Variants in CSRNP3 observed in about 807,000 individuals in gnomAD.
CSRNP3 encodes the protein cysteine and serine rich nuclear protein 3.
Under a neutral mutation model 48.0 loss-of-function variants are expected in CSRNP3, and 12 were observed. That is an observed-to-expected ratio of 0.25 (90% CI 0.16 to 0.41). The LOEUF (loss-of-function observed/expected upper bound fraction) is 0.41. Among genes scored for constraint, CSRNP3 ranks in the 10% least tolerant of loss-of-function variants. The pLI is 1.00. For missense variants in CSRNP3, 580 were observed against 724.4 expected, an observed-to-expected ratio of 0.80 and a Z score of 2.29; for synonymous variants, 263 against 269.7, an observed-to-expected ratio of 0.98 and a Z score of 0.24.
At chr2:165,597,812 C>A (rs561191090) in intron 4 of CSRNP3, among the ~76,000 whole-genome samples, 2 of 152,056 alleles carry the variant, frequency 1.3e-5, no homozygotes, top group South Asian at 4.1e-4. Context: ...AAGCATTTAA[C>A]AACAATAGTA....
In CSRNP3 at chr2:165,605,316, G is replaced by T. The variant is rs570946735; in HGVS notation, c.148+10103G>T. On this transcript the variant is annotated intron_variant, in intron 4 of 6. Coordinates refer to ENST00000651982, the MANE Select transcript of CSRNP3 (RefSeq NM_001172173.2). ...ACAAATTTCCTTACCCTAAAATTCTGCTTGGAACAATGTTCCCATGACTGA... is the reference window on the plus strand; with the variant it reads ...ACAAATTTCCTTACCCTAAAATTCTTCTTGGAACAATGTTCCCATGACTGA... Among the ~76,000 whole-genome samples the T allele has an allele frequency of 1.3e-4, 19 of 151,994 alleles. No homozygotes were observed. The South Asian group carries it at 2.1e-3, about 17-fold the overall frequency.
chr2:165,666,658 AAGAG>A (rs1165463194), intron 5 of CSRNP3, among the ~76,000 whole-genome samples: 1 of 89,406 alleles, frequency 1.1e-5, no homozygotes, highest in Non-Finnish European at 2.3e-5. Flanking sequence ...AGAGGAAGAA[AAGAG>A]AGAGGAAGGA....
intron 3 of CSRNP3, among the ~76,000 whole-genome samples, chr2:165,588,997 A>G (rs1685674496): frequency 6.6e-6 from 1 of 152,158 alleles, no homozygotes; most frequent in African/African-American, 2.4e-5. Flanking sequence ...AATAAAGCCA[A>G]TTTGTAATGT....
chr2:165,501,817 T>TC (rs1429504991), intron 2 of CSRNP3, among the ~76,000 whole-genome samples: 2 of 152,096 alleles, frequency 1.3e-5, no homozygotes, highest in Non-Finnish European at 2.9e-5. Flanking sequence ...CTTCAACAGG[T>TC]CCAGATTTAT....
At chr2:165,479,812 G>A (rs1684015630) in intron 1 of CSRNP3, among the ~76,000 whole-genome samples, 1 of 151,840 alleles carries the variant, frequency 6.6e-6, no homozygotes, top group African/African-American at 2.4e-5. Context: ...TTGAACCCAT[G>A]GGGCTGAGGC....
Position 165,649,783 on chromosome 2 carries a change from A to G in CSRNP3, c.149-7978A>G, listed in dbSNP as rs116470715. ...AATAGTAAAAAAGGAAAAAAATAAG[A>G]CCCCTGACTTGTTGTCCTTTAGGTA... is the stretch of plus-strand genomic sequence containing the variant. On this transcript the variant is annotated intron_variant, in intron 4 of 6. Coordinates refer to ENST00000651982, the MANE Select transcript of CSRNP3 (RefSeq NM_001172173.2). Among the ~76,000 whole-genome samples, 1,031 of 152,148 alleles carry G rather than the reference A, an allele frequency of 6.8e-3. 19 individuals carry two copies. Among genetic ancestry groups the G allele is most frequent in the African/African-American group, 0.024 (980 of 41,494 alleles).
intron 3 of CSRNP3, among the ~76,000 whole-genome samples, chr2:165,560,783 T>C (rs1042617880): frequency 6.6e-6 from 1 of 152,218 alleles, no homozygotes; most frequent in Non-Finnish European, 1.5e-5. Flanking sequence ...CTCGATCAGA[T>C]GTGAAATGCA....
intron 3 of CSRNP3, among the ~76,000 whole-genome samples, chr2:165,537,816 C>T (rs1684900628): frequency 6.6e-6 from 1 of 151,732 alleles, no homozygotes; most frequent in South Asian, 2.1e-4. Flanking sequence ...CTTTTCCTTA[C>T]CTTAATTAAA....
At chr2:165,515,507 A>AT (rs1374231975) in intron 2 of CSRNP3, among the ~76,000 whole-genome samples, 1 of 151,524 alleles carries the variant, frequency 6.6e-6, no homozygotes, top group Non-Finnish European at 1.5e-5. Flanking sequence ...AAAACACGTA[A>AT]TTTTTTTCTT....
intron 2 of CSRNP3, among the ~76,000 whole-genome samples, chr2:165,497,478 C>T (rs1229075431): frequency 6.6e-6 from 1 of 152,014 alleles, no homozygotes; most frequent in African/African-American, 2.4e-5. Flanking sequence ...CTATCTATCA[C>T]TATGGGTTAC....
chr2:165,669,485 G>A (rs1687293235), intron 5 of CSRNP3, among the ~76,000 whole-genome samples: 1 of 152,084 alleles, frequency 6.6e-6, no homozygotes, highest in Admixed American at 6.6e-5. Context: ...AAAAAGTTGA[G>A]CCTTGATTTT....
Position 165,626,741 on chromosome 2 carries a change from C to A in CSRNP3, c.149-31020C>A, listed in dbSNP as rs73029894. On this transcript the variant is annotated intron_variant, in intron 4 of 6. Coordinates refer to ENST00000651982, the MANE Select transcript of CSRNP3 (RefSeq NM_001172173.2). ...CCAAATGACTTCACCCCAGTGTGGA[C>A]CACCCTTTCTCATAGGTGAAAGCTC... Among the ~76,000 whole-genome samples the A allele has an allele frequency of 2.3e-3, 352 of 152,334 alleles. 1 individual carries two copies. Among genetic ancestry groups the A allele is most frequent in the African/African-American group, 7.9e-3 (330 of 41,586 alleles).
At chr2:165,529,189 T>G (rs1034227276) in intron 3 of CSRNP3, among the ~76,000 whole-genome samples, 3 of 152,176 alleles carry the variant, frequency 2.0e-5, no homozygotes, top group African/African-American at 7.2e-5. Context: ...TTGGGGGAAC[T>G]GTTGGGAAGG....
intron 4 of CSRNP3, among the ~76,000 whole-genome samples, chr2:165,630,408 CCATTTATAAT>C (rs1686516266): frequency 1.3e-5 from 2 of 152,068 alleles, no homozygotes; most frequent in African/African-American, 4.8e-5. Context: ...GTGGTGTTAC[CCATTTATAAT>C]GCCTTCTCTT....
At chr2:165,643,594 T>A (rs758833648) in intron 4 of CSRNP3, among the ~76,000 whole-genome samples, 19 of 152,226 alleles carry the variant, frequency 1.2e-4, no homozygotes, top group Admixed American at 3.9e-4. Flanking sequence ...TGCCACCATC[T>A]GTGAACATTA....
chr2:165,626,442 T>A (rs1368939400), intron 4 of CSRNP3, among the ~76,000 whole-genome samples: 2 of 152,264 alleles, frequency 1.3e-5, no homozygotes, highest in South Asian at 2.1e-4. Flanking sequence ...AATAAGTTAA[T>A]CCTTACCGTG....
chr2:165,557,775 A>T (rs186272301), intron 3 of CSRNP3, among the ~76,000 whole-genome samples: 302 of 152,350 alleles, frequency 2.0e-3, no homozygotes, highest in African/African-American at 6.9e-3. Context: ...ATTGAATCCC[A>T]GGTGAAACTC....
intron 3 of CSRNP3, among the ~76,000 whole-genome samples, chr2:165,527,967 AGAG>A (rs1281509798): frequency 6.6e-6 from 1 of 151,462 alleles, no homozygotes; most frequent in African/African-American, 2.4e-5. Flanking sequence ...AAGAGAAAAA[AGAG>A]AGAGAGAGAG....
At chr2:165,565,911 T>C (rs890359141) in intron 3 of CSRNP3, among the ~76,000 whole-genome samples, 1 of 152,084 alleles carries the variant, frequency 6.6e-6, no homozygotes, top group Non-Finnish European at 1.5e-5. Flanking sequence ...GAACTTTTAT[T>C]GTAAACAAAA....
Sources: allele counts gnomAD v4.1 joint callset (sites outside exome capture counted in the v4.1 genomes callset), GRCh38; gene constraint gnomAD v4.1.1; transcripts MANE v1.5; gene names NCBI Gene and HGNC (gene_info 2026-07-23, HGNC 2026-07-21).